The following EFEMP1 variants were observed in gnomAD, a reference collection of about 807,000 sequenced individuals.
EFEMP1 encodes EGF-like fibulin extracellular matrix protein 1, also known as EGF-containing fibulin-like extracellular matrix protein 1.
In EFEMP1, 18 loss-of-function variants were observed where a neutral mutation model predicts 65.7. The ratio of observed to expected loss-of-function variants is 0.27; its 90% CI spans 0.19 to 0.41. The LOEUF (loss-of-function observed/expected upper bound fraction) is 0.41. EFEMP1 is among the 10% of genes least tolerant of loss of function. EFEMP1 has a pLI of 1.00. For synonymous variants in EFEMP1, 237 were observed against 219.7 expected (o/e 1.08, Z -0.70); for missense variants, 469 against 624.8 (o/e 0.75, Z 2.66).
Position 55,876,941 on chromosome 2 carries a change from A to T in EFEMP1, c.761-199T>A, listed in dbSNP as rs7573078. On this transcript the variant is annotated intron_variant, in intron 7 of 11. Coordinates refer to ENST00000355426, the MANE Select transcript of EFEMP1 (RefSeq NM_001039348.3). ...AGGTTTCATATTTGTTGGAACAACT[A>T]CAAACGTCTGTCATATACTTCTTTT... Among the ~76,000 whole-genome samples the T allele has an allele frequency of 0.24, 35,796 of 151,956 alleles. 6,105 individuals are homozygous for T. Among genetic ancestry groups the T allele is most frequent in the African/African-American group, 0.47 (19,661 of 41,392 alleles).
intron 3 of EFEMP1, among the ~76,000 whole-genome samples, chr2:55,918,605 G>C (rs1161800027): frequency 7.3e-6 from 1 of 136,660 alleles, no homozygotes; most frequent in African/African-American, 3.1e-5. Flanking sequence ...TTCCCACATT[G>C]GAAATGTTAA....
At position 55,909,082 on chromosome 2, in the gene EFEMP1, A is replaced by G. The variant is rs560470901; in HGVS notation, c.517+8583T>C. Among the ~76,000 whole-genome samples the G allele has an allele frequency of 3.9e-5, 6 of 152,278 alleles. No homozygotes were observed. In the East Asian group the frequency reaches 1.2e-3, roughly 29 times the overall value. On this transcript the variant is annotated intron_variant, in intron 5 of 11. Transcript: ENST00000355426. ...AGACCTCCATGTTAAAAGGGACAGG[A>G]CAGTCTCTTTTAATAATTACTGATG...
chr2:55,887,599 C>G (rs1052974784), intron 5 of EFEMP1, among the ~76,000 whole-genome samples: 4 of 152,156 alleles, frequency 2.6e-5, no homozygotes, highest in African/African-American at 9.7e-5. Flanking sequence ...TCAAGCTAAG[C>G]AGTTCTAGTG....
Position 55,918,200 on chromosome 2 carries a change from G to C in EFEMP1, c.130+19C>G. ...GACAGAAGGCAATGATCACATGGAA[G>C]TCTTTGAAGCTGGCTCACCTTTGCA... On this transcript the variant is annotated intron_variant, in intron 4 of 11. Coordinates refer to ENST00000355426, the MANE Select transcript of EFEMP1 (RefSeq NM_001039348.3). The C allele has an allele frequency of 6.2e-7, 1 of 1,614,156 alleles. No homozygotes were observed. Among genetic ancestry groups the C allele is most frequent in the South Asian group, 1.1e-5 (1 of 91,086 alleles).
At chr2:55,888,983 A>T (rs148020836) in intron 5 of EFEMP1, among the ~76,000 whole-genome samples, 6 of 152,166 alleles carry the variant, frequency 3.9e-5, no homozygotes, top group Admixed American at 3.9e-4. Context: ...CGGCTCAAAC[A>T]CTGGTGAGTG....
rs144964577 is a variant in EFEMP1 at position 55,904,835 on chromosome 2, A to C, written c.517+12830T>G. 4.4e-4 allele frequency among the ~76,000 whole-genome samples: 67 copies of C among 152,304 alleles called. No homozygotes were observed. The East Asian group carries it at 0.011, about 24-fold the overall frequency. On this transcript the variant is annotated intron_variant, in intron 5 of 11. Transcript: ENST00000355426. ...CCATAATCACATGAGAAATTCTCAC[A>C]GTAAATCTCTCTCCCTCTTTTTCTC...
At chr2:55,872,490 T>C (rs1252153178) in intron 9 of EFEMP1, among the ~76,000 whole-genome samples, 3 of 152,126 alleles carry the variant, frequency 2.0e-5, no homozygotes, top group Admixed American at 6.6e-5. Context: ...TTAAGAAATA[T>C]TAAATTGAAC....
chr2:55,917,816 A>G lies in EFEMP1; in HGVS notation c.366T>C (p.Ala122=), dbSNP rs2104452459. 1 of 1,614,224 alleles carries G rather than the reference A, an allele frequency of 6.2e-7. No individual in the cohort carries two copies. The highest frequency in any genetic ancestry group is 8.5e-7 in the Non-Finnish European group (1 of 1,180,034). The part of the protein sequence containing the change: ...VLPGGGFVAS[A]AAVAGPEMQT... ...GCATTTCAGGGCCTGCGACTGCAGC[A>G]GCACTGGCCACAAAACCACCCCCGG... The change falls in exon 5 of 12, where the codon GCT becomes GCC. Residue 122 remains alanine, a synonymous_variant. Coordinates refer to ENST00000355426, the MANE Select transcript of EFEMP1 (RefSeq NM_001039348.3). This position sits in a 1 kb window ranked among gnomAD's most constrained non-coding sequence, Gnocchi z 6.3.
At chr2:55,904,202 G>C (rs1670152340) in intron 5 of EFEMP1, among the ~76,000 whole-genome samples, 1 of 152,170 alleles carries the variant, frequency 6.6e-6, no homozygotes, top group Non-Finnish European at 1.5e-5. Flanking sequence ...GAGGGTGAGT[G>C]TCACTGAAAC....
rs188676186 is a variant in EFEMP1 at position 55,881,739 on chromosome 2, C to T, written c.518-5G>A. The T allele has an allele frequency of 6.2e-7, 1 of 1,613,856 alleles. No individual in the cohort carries two copies. The highest frequency in any genetic ancestry group is 2.2e-5 in the East Asian group (1 of 44,880). ...CTGCAGTGCACTCGTCTATGTCTGT[C>T]AGAGACATGCAACACAGAAAGAATT... On this transcript the variant is annotated splice_polypyrimidine_tract_variant and splice_region_variant and intron_variant, in intron 5 of 11. Transcript: ENST00000355426.
At chr2:55,916,258 T>C (rs1310199607) in intron 5 of EFEMP1, among the ~76,000 whole-genome samples, 3 of 152,212 alleles carry the variant, frequency 2.0e-5, no homozygotes, top group Admixed American at 6.5e-5. Context: ...TACAGGCATG[T>C]GCCACCATTC....
At position 55,922,525 on chromosome 2, in the gene EFEMP1, GC is replaced by G. The variant is rs1301920565; in HGVS notation, c.-7-79del. 1.5e-5 allele frequency: 20 copies of G among 1,322,798 alleles called. No homozygotes were observed. Among genetic ancestry groups the G allele is most frequent in the Non-Finnish European group, 2.2e-5 (20 of 923,240 alleles). The allele number at this position is 1,322,798 out of a possible 1,614,324, so 81.9% of individuals were successfully genotyped here. ...AACAAAACTTTAGCAGTGAGCACAA[GC>G]GAGGAAAGGAGGGTGGGAGAGGCTG... On this transcript the variant is annotated intron_variant, in intron 2 of 11. Transcript: ENST00000355426. The surrounding 1 kb of genome is among the most constrained non-coding windows in gnomAD (Gnocchi z 5.5).
intron 3 of EFEMP1, among the ~76,000 whole-genome samples, chr2:55,920,662 G>A (rs1670881161): frequency 6.6e-6 from 1 of 152,230 alleles, no homozygotes; most frequent in Non-Finnish European, 1.5e-5. Flanking sequence ...TTTAATGTCA[G>A]TGTACTATTA....
At position 55,885,809 on chromosome 2, in the gene EFEMP1, G is replaced by T. The variant is rs749061658; in HGVS notation, c.518-4075C>A. Among the ~76,000 whole-genome samples the T allele has an allele frequency of 6.6e-6, 1 of 152,076 alleles. No individual in the cohort carries two copies. Among genetic ancestry groups the T allele is most frequent in the Non-Finnish European group, 1.5e-5 (1 of 68,018 alleles). On this transcript the variant is annotated intron_variant, in intron 5 of 11. Transcript: ENST00000355426. This position sits in a 1 kb window ranked among gnomAD's most constrained non-coding sequence, Gnocchi z 4.3. ...AGACAACTTTGTCCACATCTCTGTG[G>T]TGTCCATTAAGTCCCTGCTTAGGCC... is the stretch of plus-strand genomic sequence containing the variant.
intron 5 of EFEMP1, among the ~76,000 whole-genome samples, chr2:55,900,821 A>G (rs1670004996): frequency 6.6e-6 from 1 of 152,120 alleles, no homozygotes; most frequent in Non-Finnish European, 1.5e-5. Context: ...TTTTAGTCAT[A>G]TATCTTTCCT....
At chr2:55,892,389 G>A (rs1419311694) in intron 5 of EFEMP1, among the ~76,000 whole-genome samples, 3 of 152,088 alleles carry the variant, frequency 2.0e-5, no homozygotes, top group Non-Finnish European at 4.4e-5. Flanking sequence ...TGGGAAACCT[G>A]AGTAACATGC....
intron 5 of EFEMP1, among the ~76,000 whole-genome samples, chr2:55,909,121 T>C (rs1670388752): frequency 6.6e-6 from 1 of 152,324 alleles, no homozygotes; most frequent in East Asian, 1.9e-4. Context: ...CACACTAATA[T>C]TGTATAACAT....
At chr2:55,895,468 G>C (rs1669788017) in intron 5 of EFEMP1, among the ~76,000 whole-genome samples, 1 of 151,948 alleles carries the variant, frequency 6.6e-6, no homozygotes. Context: ...CCCCTTGGGG[G>C]TCCAGCTCAA....
chr2:55,922,141 A>C lies in EFEMP1; in HGVS notation c.81+219T>G. The C allele has an allele frequency of 5.7e-6, 3 of 523,350 alleles. No individual in the cohort carries two copies. Among genetic ancestry groups the C allele is most frequent in the Non-Finnish European group, 1.0e-5 (3 of 286,118 alleles). 32.4% of individuals were successfully genotyped at this position (523,350 alleles called of 1,614,324 possible). ...TTTTTAGCCCTGCACAAATGATTAC[A>C]TGTTGGTTCCTATCTTAGGTGGTGA... On this transcript the variant is annotated intron_variant, in intron 3 of 11. Coordinates refer to ENST00000355426, the MANE Select transcript of EFEMP1 (RefSeq NM_001039348.3). The surrounding 1 kb of genome is among the most constrained non-coding windows in gnomAD (Gnocchi z 5.5).
Sources: gnomAD v4.1 joint callset for allele counts (sites outside exome capture counted in the v4.1 genomes callset) on GRCh38, gnomAD v4.1.1 for gene constraint, Gnocchi (gnomAD v3.1) non-coding constraint, MANE v1.5 for transcripts, NCBI Gene and HGNC (gene_info 2026-07-23, HGNC 2026-07-21) for gene names.